Variants in TSHZ3 observed in about 807,000 individuals in gnomAD.
TSHZ3 encodes the protein teashirt homolog 3.
Under a neutral mutation model 64.5 loss-of-function variants are expected in TSHZ3, and 10 were observed. The ratio of observed to expected loss-of-function variants is 0.16; its 90% CI spans 0.10 to 0.26. TSHZ3 has a LOEUF of 0.26. TSHZ3 is among the 10% of genes least tolerant of loss of function. The pLI is 1.00. For synonymous variants in TSHZ3, 608 were observed against 593.1 expected (o/e 1.03, Z -0.36); for missense variants, 1,242 against 1,421.7 (o/e 0.87, Z 2.03).
chr19:31,238,303 T>A (rs932001474), intron 3 of TSHZ3, among the ~76,000 whole-genome samples: 1 of 151,074 alleles, frequency 6.6e-6, no homozygotes, highest in African/African-American at 2.4e-5. Context: ...TCACCCGGAC[T>A]GCAGAGCAAT....
chr19:31,206,348 G>T (rs559622873), intron 4 of TSHZ3, among the ~76,000 whole-genome samples: 1 of 152,242 alleles, frequency 6.6e-6, no homozygotes, highest in African/African-American at 2.4e-5. Flanking sequence ...AGAATGGGTG[G>T]ATGGGTGTAT....
intron 1 of TSHZ3, among the ~76,000 whole-genome samples, chr19:31,315,648 C>T (rs1215590714): frequency 1.3e-5 from 2 of 152,108 alleles, no homozygotes; most frequent in African/African-American, 4.8e-5. Context: ...TAAAAAGGGG[C>T]TAAAATCAGA....
rs138411215 is a variant in TSHZ3, at chr19:31,244,076, G to A, written n.64-1201C>T. Among the ~76,000 whole-genome samples the A allele has an allele frequency of 4.6e-3, 705 of 152,240 alleles. 7 individuals carry two copies. Among genetic ancestry groups the A allele is most frequent in the Non-Finnish European group, 6.3e-3 (430 of 68,012 alleles). On this transcript the variant is annotated intron_variant and non_coding_transcript_variant, in intron 1 of 6. Transcript: ENST00000651361. Reference sequence around the variant, plus strand: ...ATATAGTTAAATATTTGCATTCAGGGATGTTATTTGAAACTTTATATATAA... The same window carrying A: ...ATATAGTTAAATATTTGCATTCAGGAATGTTATTTGAAACTTTATATATAA...
intron 1 of TSHZ3, among the ~76,000 whole-genome samples, chr19:31,323,085 G>A (rs1012171022): frequency 1.3e-5 from 2 of 152,066 alleles, no homozygotes; most frequent in African/African-American, 2.4e-5. Context: ...CTTTTTTCAC[G>A]CAACATTGGG....
chr19:31,218,671 C>T (rs777849356), intron 4 of TSHZ3, among the ~76,000 whole-genome samples: 2 of 152,074 alleles, frequency 1.3e-5, no homozygotes, highest in East Asian at 1.9e-4. Context: ...AGTAGTTCAA[C>T]GGATGAATAA....
chr19:31,218,321 T>G (rs1756552812), intron 4 of TSHZ3, among the ~76,000 whole-genome samples: 1 of 151,964 alleles, frequency 6.6e-6, no homozygotes, highest in South Asian at 2.1e-4. Context: ...CATATGTCAT[T>G]AGGGAGATAC....
chr19:31,312,603 C>T (rs1048014146), intron 1 of TSHZ3, among the ~76,000 whole-genome samples: 3 of 152,122 alleles, frequency 2.0e-5, no homozygotes, highest in African/African-American at 7.2e-5. Flanking sequence ...TTTCAGGGCC[C>T]CTTTGGGAAG....
chr19:31,237,377 A>C (rs1246725641), intron 3 of TSHZ3, among the ~76,000 whole-genome samples: 2 of 152,206 alleles, frequency 1.3e-5, no homozygotes, highest in African/African-American at 2.4e-5. Flanking sequence ...ATTGCTTCTT[A>C]TTATTCTTTA....
chr19:31,284,761 T>C (rs376071597), intron 1 of TSHZ3, among the ~76,000 whole-genome samples: 7 of 152,298 alleles, frequency 4.6e-5, no homozygotes, highest in African/African-American at 1.7e-4. Flanking sequence ...CAACACATTG[T>C]CAGCTTTGTG....
intron 4 of TSHZ3, among the ~76,000 whole-genome samples, chr19:31,208,530 A>G (rs1044486413): frequency 2.6e-5 from 4 of 152,202 alleles, no homozygotes; most frequent in African/African-American, 9.6e-5. Flanking sequence ...AGCAGATAAA[A>G]ACATCACATA....
rs375933580 is a variant in TSHZ3, at chr19:31,277,675, C to G, written c.2118G>C (p.Thr706=). 2.6e-6 allele frequency: 4 copies of G among 1,527,948 alleles called. No individual in the cohort carries two copies. Among genetic ancestry groups the G allele is most frequent in the Non-Finnish European group, 3.5e-6 (4 of 1,139,570 alleles). 94.6% of individuals were successfully genotyped at this position (1,527,948 alleles called of 1,614,324 possible). The part of the protein sequence containing the change: ...KPLASSLSGS[T]AIITDHPPEQ... ...CAGGCGGGTGGTCGGTGATGATGGC[C>G]GTGCTGCCACTCAAACTGCTGGCTA... The change falls in exon 2 of 2, where the codon ACG becomes ACC. Residue 706 remains threonine (T), a synonymous_variant. Coordinates refer to ENST00000240587, the MANE Select transcript of TSHZ3 (RefSeq NM_020856.4). The surrounding 1 kb of genome is among the most constrained non-coding windows in gnomAD (Gnocchi z 4.5).
chr19:31,269,489 G>T (rs943595243), intron 1 of TSHZ3, among the ~76,000 whole-genome samples: 2 of 151,588 alleles, frequency 1.3e-5, no homozygotes, highest in African/African-American at 4.9e-5. Flanking sequence ...AGTTTACCCA[G>T]CCCTGGTTTC....
chr19:31,286,163 C>T (rs545382781), intron 1 of TSHZ3, among the ~76,000 whole-genome samples: 1 of 152,310 alleles, frequency 6.6e-6, no homozygotes, highest in African/African-American at 2.4e-5. Context: ...AGACTGTGTG[C>T]TTAAAGCAAC....
upstream of TSHZ3, among the ~76,000 whole-genome samples, chr19:31,350,751 C>T (rs2021697723): frequency 6.7e-6 from 1 of 149,262 alleles, no homozygotes; most frequent in Non-Finnish European, 1.5e-5. Flanking sequence ...TGGGCCGGAG[C>T]TCATGCGGGC....
chr19:31,306,168 G>A lies in TSHZ3; in HGVS notation c.41-26416C>T, dbSNP rs117363014. ...ACACCCACCGTGTGCGCTCATTCCC[G>A]GGGTGGCCTTGCATATGCAGCCTGT... On this transcript the variant is annotated intron_variant, in intron 1 of 1. Transcript: ENST00000240587. Among the ~76,000 whole-genome samples the A allele has an allele frequency of 2.6e-4, 39 of 152,250 alleles. No individual in the cohort carries two copies. The East Asian group carries it at 6.6e-3, about 26-fold the overall frequency.
chr19:31,233,113 G>T (rs1054442475), intron 3 of TSHZ3, among the ~76,000 whole-genome samples: 1 of 152,174 alleles, frequency 6.6e-6, no homozygotes, highest in Non-Finnish European at 1.5e-5. Flanking sequence ...CATTTGGTGA[G>T]TGTATGCTTA....
In TSHZ3 at chr19:31,213,356, CAAAAAAAAAAAAAA is replaced by C. The variant is rs35192337; in HGVS notation, n.687-8292_687-8279del. ...TGAGCAACAGAGCGAGACTCTGTCT[CAAAAAAAAAAAAAA>C]AAAAAAAAAAAAAAAAAAAAATCAG... On this transcript the variant is annotated intron_variant and non_coding_transcript_variant, in intron 4 of 6. Transcript: ENST00000651361. 1.3e-3 allele frequency among the ~76,000 whole-genome samples: 30 copies of C among 23,308 alleles called. 1 individual carries two copies. The highest frequency in any genetic ancestry group is 2.9e-3 in the South Asian group (1 of 350). The allele number at this position is 23,308 out of a possible 152,430, so 15.3% of individuals were successfully genotyped here.
chr19:31,326,643 G>T (rs901133330), intron 1 of TSHZ3, among the ~76,000 whole-genome samples: 4 of 152,236 alleles, frequency 2.6e-5, no homozygotes, highest in African/African-American at 9.6e-5. Context: ...AAACCTCGGA[G>T]TGTGAAGCAA....
At chr19:31,183,198 C>CTCTCTCTCTCTCTCTCTCTCTCTT (rs1974747105) in intron 5 of TSHZ3, among the ~76,000 whole-genome samples, 2 of 67,426 alleles carry the variant, frequency 3.0e-5, no homozygotes, top group Non-Finnish European at 5.3e-5. Context: ...CTCTCTCTCT[C>CTCTCTCTCTCTCTCTCTCTCTCTT]TCTCTCTCTC....
Sources: allele counts gnomAD v4.1 joint callset (sites outside exome capture counted in the v4.1 genomes callset), GRCh38; gene constraint gnomAD v4.1.1; non-coding constraint Gnocchi (gnomAD v3.1); transcripts MANE v1.5; gene names NCBI Gene and HGNC (gene_info 2026-07-23, HGNC 2026-07-21).